The following ARID1B variants were observed in gnomAD, a reference collection of about 807,000 sequenced individuals.
ARID1B encodes the protein AT-rich interaction domain 1B.
Under a neutral mutation model 212.3 loss-of-function variants are expected in ARID1B, and 30 were observed. The ratio of observed to expected loss-of-function variants is 0.14; its 90% confidence interval spans 0.11 to 0.19. The LOEUF (loss-of-function observed/expected upper bound fraction) is 0.19. ARID1B is among the 10% of genes least tolerant of loss of function. The pLI is 1.00. For synonymous variants in ARID1B, 1,402 were observed against 1,301.7 expected, an observed-to-expected ratio of 1.08 and a Z score of -1.66; for missense variants, 2,891 against 3,204.0, an observed-to-expected ratio of 0.90 and a Z score of 2.36.
intron 4 of ARID1B, among the ~76,000 whole-genome samples, chr6:156,982,327 A>T (rs966049905): frequency 1.3e-5 from 2 of 151,728 alleles, no homozygotes; most frequent in African/African-American, 4.8e-5. Context: ...GAGAAATTAG[A>T]TGCCATTGTG....
chr6:157,207,974 GTA>G lies in ARID1B; in HGVS notation c.*84_*85del. 1 of 1,355,242 alleles carries G rather than the reference GTA, an allele frequency of 7.4e-7. No homozygotes were observed. The highest frequency in any genetic ancestry group is 9.6e-7 in the Non-Finnish European group (1 of 1,043,772). 84.0% of individuals were successfully genotyped at this position (1,355,242 alleles called of 1,614,324 possible). A position where few individuals can be genotyped will look rare whatever the true frequency, so the allele number is the denominator to read the frequency against. Reference sequence around the variant, plus strand: ...TGTTTTCTGTTCTTGTTTATCCAGCGTAGGAAGAAGGAAAAGAAAATCTTTGC... The same window carrying G: ...TGTTTTCTGTTCTTGTTTATCCAGCGGGAAGAAGGAAAAGAAAATCTTTGC... On this transcript the variant is annotated 3_prime_UTR_variant, in exon 20 of 20. Coordinates refer to ENST00000636930, the MANE Select transcript of ARID1B (RefSeq NM_001374828.1). This position sits in a 1 kb window ranked among gnomAD's most constrained non-coding sequence, Gnocchi z 8.5.
chr6:156,935,606 G>T (rs765862009), intron 4 of ARID1B, 30 bp downstream of exon 4: 1 of 1,549,732 alleles, frequency 6.5e-7, no homozygotes, highest in East Asian at 2.2e-5. Flanking sequence ...ATTTGGAAAT[G>T]TAATGAGTTA....
intron 4 of ARID1B, among the ~76,000 whole-genome samples, chr6:156,979,074 C>G (rs1321290933): frequency 1.3e-5 from 2 of 152,200 alleles, no homozygotes; most frequent in Non-Finnish European, 2.9e-5. Context: ...CCTGAAAGCG[C>G]TAGTAGTGCT....
chr6:157,169,389 G>T (rs1194504042), intron 9 of ARID1B: 2 of 152,184 alleles, frequency 1.3e-5, no homozygotes, highest in East Asian at 3.9e-4. Context: ...ATCCTCCTGT[G>T]TAGTGACAAA....
chr6:156,876,494 C>T (rs772767478), intron 2 of ARID1B, among the ~76,000 whole-genome samples: 5 of 152,216 alleles, frequency 3.3e-5, no homozygotes, highest in Admixed American at 2.6e-4. Flanking sequence ...GGGGCGCCTC[C>T]AGCATCCCAG....
rs756707971 is a variant in ARID1B at position 157,184,276 on chromosome 6, G to A, written c.3760G>A (p.Val1254Ile). Reference sequence around the variant, plus strand: ...GCGTGAGCTGGCAACCAACCTAAACGTTGGCACCTCAAGCAGTGCAGCGAG... The same window carrying A: ...GCGTGAGCTGGCAACCAACCTAAACATTGGCACCTCAAGCAGTGCAGCGAG... ...KWRELATNLN[V>I]GTSSSAASSL... Residue 1254 changes from valine to isoleucine, a missense_variant, in exon 13 of 20, where the codon GTT becomes ATT. This residue lies in a region of ARID1B where 666 missense variants were observed against 873.5 expected (regional missense o/e 0.76). Transcript: ENST00000636930. The A allele has an allele frequency of 5.0e-6, 8 of 1,613,674 alleles. No homozygotes were observed. Among genetic ancestry groups the A allele is most frequent in the African/African-American group, 1.3e-5 (1 of 74,884 alleles).
In ARID1B at chr6:157,084,489, C is replaced by G. The variant is rs575146525; in HGVS notation, c.2248-173C>G. Among the ~76,000 whole-genome samples, 24 of 152,262 alleles carry G rather than the reference C, an allele frequency of 1.6e-4. No homozygotes were observed. In the South Asian group the frequency reaches 4.8e-3, roughly 30 times the overall value. On this transcript the variant is annotated intron_variant, in intron 4 of 19. Transcript: ENST00000636930. Reference sequence around the variant, plus strand: ...GAGAGGCAAGATCTTATTGGTTCAACTTACAAATGACCTCATTAAAATCTA... The same window carrying G: ...GAGAGGCAAGATCTTATTGGTTCAAGTTACAAATGACCTCATTAAAATCTA...
In ARID1B at chr6:157,161,604, T is replaced by G. The variant is rs1361926058; in HGVS notation, c.3090-5436T>G. Among the ~76,000 whole-genome samples, 3 of 152,104 alleles carry G rather than the reference T, an allele frequency of 2.0e-5. No homozygotes were observed. The East Asian group carries it at 5.8e-4, about 29-fold the overall frequency. On this transcript the variant is annotated intron_variant, in intron 8 of 19. Transcript: ENST00000636930. ...TTTCACCAGTGATGCTAGATACATG[T>G]GTGAGAAGAGTTTGTGTTTATAAAA...
At chr6:157,007,302 A>G (rs1001567911) in intron 4 of ARID1B, among the ~76,000 whole-genome samples, 4 of 152,236 alleles carry the variant, frequency 2.6e-5, no homozygotes, top group South Asian at 2.1e-4. Context: ...CTAGTTTTCT[A>G]AGTTTTCTGT....
At chr6:157,119,682 T>G (rs1787570209) in intron 6 of ARID1B, 1 of 152,432 alleles carries the variant, frequency 6.6e-6, no homozygotes, top group Admixed American at 6.5e-5. Flanking sequence ...GTCACCGTGC[T>G]GCCCCTATGG....
chr6:156,803,858 C>T (rs1780962996), intron 1 of ARID1B, among the ~76,000 whole-genome samples: 1 of 152,062 alleles, frequency 6.6e-6, no homozygotes, highest in Non-Finnish European at 1.5e-5. Flanking sequence ...TTGTTTTCCT[C>T]ATCTGCAAAA....
chr6:157,127,431 C>T (rs1788205588), intron 6 of ARID1B, among the ~76,000 whole-genome samples: 1 of 151,230 alleles, frequency 6.6e-6, no homozygotes, highest in African/African-American at 2.4e-5. Context: ...CTGAGGCAGG[C>T]GGATCACAAG....
intron 2 of ARID1B, among the ~76,000 whole-genome samples, chr6:156,869,182 A>C (rs1785929574): frequency 6.6e-6 from 1 of 152,204 alleles, no homozygotes; most frequent in South Asian, 2.1e-4. Context: ...GTCTGTTACC[A>C]AGTGTGTGTC....
chr6:156,935,802 T>TG, intron 4 of ARID1B: 1 of 444,328 alleles, frequency 2.3e-6, no homozygotes, highest in South Asian at 2.6e-5. Flanking sequence ...AGACATCAGT[T>TG]GGAAGGTTTT....
At chr6:157,017,166 G>T (rs7746495) in intron 4 of ARID1B, among the ~76,000 whole-genome samples, 92,396 of 152,096 alleles carry the variant, frequency 0.61, 29,246 homozygotes, top group African/African-American at 0.79. Context: ...TGCGCCCCAG[G>T]GAATGGACCT....
chr6:156,827,236 A>C (rs916190843), intron 1 of ARID1B, among the ~76,000 whole-genome samples: 7 of 152,150 alleles, frequency 4.6e-5, no homozygotes, highest in Admixed American at 2.0e-4. Flanking sequence ...TCAGAGCCTC[A>C]AGTTTCCTAT....
At chr6:156,829,444 G>A (rs771668645) in intron 2 of ARID1B, 23 bp downstream of exon 2, 13 of 1,597,190 alleles carry the variant, frequency 8.1e-6, no homozygotes, top group South Asian at 5.6e-5. Flanking sequence ...CCCCCGACCC[G>A]CTGCTTTTTT....
chr6:156,838,736 C>CAA (rs1185354802), intron 2 of ARID1B, among the ~76,000 whole-genome samples: 1 of 82,150 alleles, frequency 1.2e-5, no homozygotes, highest in African/African-American at 4.5e-5. Flanking sequence ...TAATAATAAA[C>CAA]AAAAAAAACC....
chr6:157,027,788 T>G (rs988348882), intron 4 of ARID1B, among the ~76,000 whole-genome samples: 1 of 152,238 alleles, frequency 6.6e-6, no homozygotes, highest in Non-Finnish European at 1.5e-5. Context: ...CAATATGTCT[T>G]CTACATAGTG....
Sources: gnomAD v4.1 joint callset for allele counts (sites outside exome capture counted in the v4.1 genomes callset) on GRCh38, gnomAD v4.1.1 for gene constraint, gnomAD v4.1.1 regional missense constraint, Gnocchi (gnomAD v3.1) non-coding constraint, MANE v1.5 for transcripts, NCBI Gene and HGNC (gene_info 2026-07-23, HGNC 2026-07-21) for gene names.